HTR2C: variants seen among roughly 807,000 people sequenced by gnomAD.
HTR2C encodes 5-hydroxytryptamine receptor 2C.
Under a neutral mutation model 21.0 loss-of-function variants are expected in HTR2C, and 5 were observed. The observed-to-expected ratio is 0.24, with a 90% CI of 0.12 to 0.50. The LOEUF is 0.50. Among genes scored for constraint, HTR2C ranks in the 20% least tolerant of loss-of-function variants. The pLI, the probability that HTR2C is intolerant of heterozygous loss-of-function variation, is 0.98. For synonymous variants in HTR2C, 150 were observed against 145.3 expected, an observed-to-expected ratio of 1.03 and a Z score of -0.23; for missense variants, 271 against 371.2, an observed-to-expected ratio of 0.73 and a Z score of 2.22.
At chrX:114,852,806 G>A (rs974055217) in intron 5 of HTR2C, among the ~76,000 whole-genome samples, 6 of 109,847 alleles carry the variant, frequency 5.5e-5, no homozygotes, top group East Asian at 5.8e-4. Flanking sequence ...TTGTGTGTGC[G>A]TGCGTGCATG....
In HTR2C at chrX:114,868,882, T is replaced by G. The variant is rs1402248594; in HGVS notation, c.550+20679T>G. 4.5e-5 allele frequency among the ~76,000 whole-genome samples: 5 copies of G among 110,534 alleles called. No individual in the cohort carries two copies. In the Admixed American group the frequency reaches 4.8e-4, roughly 11 times the overall value. ...TATACTTTAAATTCTAGGGTACATGTGCACAATGTGCAGGTTTGATACATA... is the reference window on the plus strand; with the variant it reads ...TATACTTTAAATTCTAGGGTACATGGGCACAATGTGCAGGTTTGATACATA... On this transcript the variant is annotated intron_variant, in intron 5 of 5. Coordinates refer to ENST00000276198, the MANE Select transcript of HTR2C (RefSeq NM_000868.4).
At chrX:114,630,174 T>A (rs1929553642) in intron 2 of HTR2C, among the ~76,000 whole-genome samples, 1 of 111,962 alleles carries the variant, frequency 8.9e-6, no homozygotes. Flanking sequence ...ACAAATTTGT[T>A]GTCAGGAAAT....
intron 4 of HTR2C, chrX:114,776,536 A>T: frequency 1.9e-6 from 1 of 536,571 alleles, no homozygotes. Flanking sequence ...AGACAACAGC[A>T]TCATCAAATC....
In HTR2C at chrX:114,755,667, G is replaced by A. The variant is rs1157042253; in HGVS notation, c.349+24060G>A. On this transcript the variant is annotated intron_variant, in intron 4 of 5. Coordinates refer to ENST00000276198, the MANE Select transcript of HTR2C (RefSeq NM_000868.4). Reference sequence around the variant, plus strand: ...CATTTGGACTTGGCTATTTTTTGGGGGGTCATTTTTCACCCTACTACAACT... The same window carrying A: ...CATTTGGACTTGGCTATTTTTTGGGAGGTCATTTTTCACCCTACTACAACT... Among the ~76,000 whole-genome samples the A allele has an allele frequency of 4.5e-5, 5 of 110,866 alleles. No homozygotes were observed. The South Asian group carries it at 1.5e-3, about 34-fold the overall frequency.
chrX:114,608,935 A>G (rs1928597764), intron 1 of HTR2C, among the ~76,000 whole-genome samples: 1 of 112,140 alleles, frequency 8.9e-6, no homozygotes, highest in African/African-American at 3.2e-5. Context: ...GTTGAATGTC[A>G]TAAGAAGCAA....
intron 4 of HTR2C, among the ~76,000 whole-genome samples, chrX:114,802,621 C>T (rs2070356958): frequency 9.0e-6 from 1 of 110,601 alleles, no homozygotes; most frequent in Non-Finnish European, 1.9e-5. Flanking sequence ...TGAAATTTTG[C>T]TCATGATGAT....
At chrX:114,611,692 T>G (rs1461207827) in intron 1 of HTR2C, among the ~76,000 whole-genome samples, 50 of 111,512 alleles carry the variant, frequency 4.5e-4, no homozygotes, top group Admixed American at 1.9e-3. Flanking sequence ...AAGTTGTGGT[T>G]TTTTTTAGTT....
chrX:114,898,034 G>T (rs182614871), intron 5 of HTR2C, among the ~76,000 whole-genome samples: 67 of 112,672 alleles, frequency 5.9e-4, no homozygotes, highest in Non-Finnish European at 1.7e-4. Flanking sequence ...CAGTGTAAAA[G>T]TGTTGCTTTT....
intron 5 of HTR2C, among the ~76,000 whole-genome samples, chrX:114,879,328 A>G (rs781959849): frequency 1.8e-5 from 2 of 110,126 alleles, no homozygotes; most frequent in Non-Finnish European, 3.8e-5. Flanking sequence ...TCCATGTAAT[A>G]TATATTTTAA....
At chrX:114,726,749 A>G (rs1556422160) in intron 2 of HTR2C, 109 bp from the exon 3 acceptor site, 4 of 372,964 alleles carry the variant, frequency 1.1e-5, no homozygotes, top group Admixed American at 6.1e-5. Context: ...TGCTGAATTA[A>G]TAACTGTTTC....
chrX:114,715,618 C>T (rs1430608339), intron 2 of HTR2C, among the ~76,000 whole-genome samples: 1 of 111,628 alleles, frequency 9.0e-6, no homozygotes, highest in Non-Finnish European at 1.9e-5. Context: ...ACTTAACTCA[C>T]CGGTATAAAA....
intron 5 of HTR2C, among the ~76,000 whole-genome samples, chrX:114,894,579 G>GAT (rs2071282379): frequency 9.0e-6 from 1 of 111,311 alleles, no homozygotes. Context: ...TGATTTCACA[G>GAT]ATATATACAT....
At chrX:114,824,873 G>A (rs137881973) in intron 4 of HTR2C, among the ~76,000 whole-genome samples, 1,123 of 111,636 alleles carry the variant, frequency 0.01, 6 homozygotes, top group Middle Eastern at 0.023. Flanking sequence ...AAAACGTATG[G>A]TTTCATATAC....
At chrX:114,753,259 T>G (rs1313688910) in intron 4 of HTR2C, among the ~76,000 whole-genome samples, 2 of 110,895 alleles carry the variant, frequency 1.8e-5, no homozygotes, top group African/African-American at 6.6e-5. Context: ...CATCTCCCAA[T>G]AGCAGTGGAA....
chrX:114,669,361 G>A (rs901953741), intron 2 of HTR2C, among the ~76,000 whole-genome samples: 4 of 111,499 alleles, frequency 3.6e-5, no homozygotes, highest in African/African-American at 1.3e-4. Context: ...TTTTTCATTG[G>A]AGAAGAAAAA....
intron 2 of HTR2C, among the ~76,000 whole-genome samples, chrX:114,675,938 C>T (rs905376993): frequency 1.0e-5 from 1 of 100,405 alleles, no homozygotes; most frequent in Non-Finnish European, 2.0e-5. Flanking sequence ...GGCACGATGT[C>T]GGCTCACTGC....
At chrX:114,788,602 A>G (rs1233005368) in intron 4 of HTR2C, among the ~76,000 whole-genome samples, 1 of 110,843 alleles carries the variant, frequency 9.0e-6, no homozygotes, top group Non-Finnish European at 1.9e-5. Context: ...CCCTTAATGA[A>G]TATAATCTTC....
intron 5 of HTR2C, among the ~76,000 whole-genome samples, chrX:114,905,171 T>A (rs1212482502): frequency 9.0e-6 from 1 of 110,996 alleles, no homozygotes; most frequent in African/African-American, 3.3e-5. Context: ...TTCAGAGCTA[T>A]AGGTAGGCAT....
intron 2 of HTR2C, among the ~76,000 whole-genome samples, chrX:114,704,958 T>G (rs1449310230): frequency 9.3e-5 from 10 of 107,282 alleles, no homozygotes; most frequent in African/African-American, 3.4e-4. Flanking sequence ...CCATTCACAA[T>G]TGCTTCAAAG....
Sources: gnomAD v4.1 joint callset for allele counts (sites outside exome capture counted in the v4.1 genomes callset) on GRCh38, gnomAD v4.1.1 for gene constraint, MANE v1.5 for transcripts, NCBI Gene and HGNC (gene_info 2026-07-23, HGNC 2026-07-21) for gene names.